Variants in ST6GAL1 observed in about 807,000 individuals in gnomAD.
ST6GAL1 encodes the protein ST6 beta-galactoside alpha-2,6-sialyltransferase 1.
Under a neutral mutation model 38.0 loss-of-function variants are expected in ST6GAL1, and 20 were observed. The ratio of observed to expected loss-of-function variants is 0.53; its 90% confidence interval spans 0.37 to 0.77. ST6GAL1 has a LOEUF of 0.77. Ranked by LOEUF, ST6GAL1 falls within the 30% of genes least tolerant of loss-of-function variation. The probability of loss-of-function intolerance (pLI) is 0.00; values close to 1 mark genes in which losing one functional copy is unlikely to be tolerated. For synonymous variants in ST6GAL1, 196 were observed against 188.2 expected (o/e 1.04, Z -0.34); for missense variants, 432 against 496.4 (o/e 0.87, Z 1.23).
At chr3:187,029,467 G>A (rs1367308426) in intron 2 of ST6GAL1, among the ~76,000 whole-genome samples, 1 of 152,124 alleles carries the variant, frequency 6.6e-6, no homozygotes, top group Admixed American at 6.5e-5. Flanking sequence ...TCTGTTAGGG[G>A]GTTTGAGGAA....
intron 2 of ST6GAL1, chr3:187,021,798 G>C (rs1456033955): frequency 6.6e-6 from 1 of 151,344 alleles, no homozygotes; most frequent in African/African-American, 2.4e-5. Flanking sequence ...TGCCCTGGGG[G>C]AAGAAATGCT....
intron 2 of ST6GAL1, among the ~76,000 whole-genome samples, chr3:187,017,901 T>G (rs912999210): frequency 2.6e-5 from 4 of 152,218 alleles, no homozygotes; most frequent in African/African-American, 9.6e-5. Context: ...GGAGTTTGAA[T>G]AATCAGACCC....
chr3:187,074,115 C>T, intron 6 of ST6GAL1, 44 bp from the exon 7 acceptor site: 2 of 1,538,258 alleles, frequency 1.3e-6, no homozygotes, highest in African/African-American at 1.4e-5. Flanking sequence ...GAGCAGCTCA[C>T]TGGCCCATTT....
At chr3:187,022,749 A>G (rs993856787) in intron 2 of ST6GAL1, among the ~76,000 whole-genome samples, 2 of 152,210 alleles carry the variant, frequency 1.3e-5, no homozygotes, top group African/African-American at 4.8e-5. Context: ...TGTCAAAGAA[A>G]TGTATTTTGG....
At position 187,078,543 on chromosome 3, in the gene ST6GAL1, TG is replaced by T. The variant is rs1719637213; in HGVS notation, c.*2741del. 6.6e-6 allele frequency: 1 copy of T among 152,214 alleles called. No individual in the cohort carries two copies. Among genetic ancestry groups the T allele is most frequent in the African/African-American group, 2.4e-5 (1 of 41,446 alleles). The allele number at this position is 152,214 out of a possible 1,614,324, so 9.4% of individuals were successfully genotyped here. Reference sequence around the variant, plus strand: ...TCAAATTTTAAAATAAATGTGTGTGTGTTTCTTTAAGCTGCTTCTCTCTTCT... The same window carrying T: ...TCAAATTTTAAAATAAATGTGTGTGTTTTCTTTAAGCTGCTTCTCTCTTCT... On this transcript the variant is annotated 3_prime_UTR_variant, in exon 8 of 8. Coordinates refer to ENST00000169298, the MANE Select transcript of ST6GAL1 (RefSeq NM_173216.2).
At chr3:186,984,800 CT>C in intron 2 of ST6GAL1, among the ~76,000 whole-genome samples, 1 of 37,834 alleles carries the variant, frequency 2.6e-5, no homozygotes, top group Non-Finnish European at 5.5e-5. Flanking sequence ...TCCTTCCTTC[CT>C]TCCATCCTTC....
intron 2 of ST6GAL1, among the ~76,000 whole-genome samples, chr3:186,989,663 C>G (rs1420270720): frequency 1.3e-5 from 2 of 152,182 alleles, no homozygotes; most frequent in African/African-American, 4.8e-5. Flanking sequence ...GGATGCAAAG[C>G]TAATGATTAA....
At chr3:187,055,412 A>C (rs746493965) in intron 5 of ST6GAL1, among the ~76,000 whole-genome samples, 5 of 152,002 alleles carry the variant, frequency 3.3e-5, no homozygotes, top group Non-Finnish European at 7.4e-5. Context: ...TGTTGATTTT[A>C]GATCTTTTCT....
chr3:187,064,222 C>T (rs574001801), intron 5 of ST6GAL1, among the ~76,000 whole-genome samples: 9 of 152,208 alleles, frequency 5.9e-5, no homozygotes, highest in African/African-American at 1.7e-4. Flanking sequence ...TTATTTTACT[C>T]GTATGATGGA....
At position 187,075,935 on chromosome 3, in the gene ST6GAL1, A is replaced by G. The variant is rs1719546186; in HGVS notation, c.*132A>G. ...TCTAGGGGCCTCTGTCAGCAAGACC[A>G]TGGGGACTTCAAGAGCCTGTGGTCA... On this transcript the variant is annotated 3_prime_UTR_variant, in exon 8 of 8. Coordinates refer to ENST00000169298, the MANE Select transcript of ST6GAL1 (RefSeq NM_173216.2). The surrounding 1 kb of genome is among the most constrained non-coding windows in gnomAD (Gnocchi z 4.1). 5 of 1,397,318 alleles carry G rather than the reference A, an allele frequency of 3.6e-6. No individual in the cohort carries two copies. Among genetic ancestry groups the G allele is most frequent in the Admixed American group, 4.9e-5 (2 of 40,618 alleles). 86.6% of individuals were successfully genotyped at this position (1,397,318 alleles called of 1,614,324 possible).
intron 2 of ST6GAL1, among the ~76,000 whole-genome samples, chr3:187,025,013 G>GTGTGTC (rs1553827947): frequency 6.6e-6 from 1 of 151,400 alleles, no homozygotes; most frequent in African/African-American, 2.4e-5. Flanking sequence ...GTGTGTGTGT[G>GTGTGTC]TGTGTGTCTG....
intron 2 of ST6GAL1, among the ~76,000 whole-genome samples, chr3:187,031,417 T>C (rs2108572543): frequency 6.6e-6 from 1 of 152,282 alleles, no homozygotes; most frequent in East Asian, 1.9e-4. Context: ...TGGTGACTGT[T>C]GTAATCCCTT....
intron 1 of ST6GAL1, among the ~76,000 whole-genome samples, chr3:186,963,003 T>C (rs1376249251): frequency 6.6e-6 from 1 of 152,244 alleles, no homozygotes; most frequent in Non-Finnish European, 1.5e-5. Context: ...GTATGTTATC[T>C]GTAGTTATCT....
chr3:186,933,604 A>C (rs764953031), intron 1 of ST6GAL1, among the ~76,000 whole-genome samples: 2 of 152,202 alleles, frequency 1.3e-5, no homozygotes, highest in Non-Finnish European at 2.9e-5. Context: ...CAGGACGCTG[A>C]CCCTGTAAGG....
At chr3:186,935,212 A>C (rs1045067599) in intron 1 of ST6GAL1, among the ~76,000 whole-genome samples, 1 of 151,864 alleles carries the variant, frequency 6.6e-6, no homozygotes, top group Non-Finnish European at 1.5e-5. Flanking sequence ...CTTTGTGTCC[A>C]CGTGTTCTCA....
At chr3:187,054,488 A>G (rs1718622013) in intron 5 of ST6GAL1, among the ~76,000 whole-genome samples, 1 of 152,152 alleles carries the variant, frequency 6.6e-6, no homozygotes, top group African/African-American at 2.4e-5. Flanking sequence ...TACCTAGTTC[A>G]TTGAGAGTTT....
At chr3:187,042,605 T>G (rs1268330376) in intron 3 of ST6GAL1, 49 bp from the exon 4 acceptor site, 3 of 1,491,714 alleles carry the variant, frequency 2.0e-6, no homozygotes, top group South Asian at 1.4e-5. Flanking sequence ...TCATGCCACA[T>G]TGGGTTTTTC....
At position 186,995,505 on chromosome 3, in the gene ST6GAL1, CA is replaced by C. The variant is rs200317857; in HGVS notation, c.-183+31589del. 1.0e-3 allele frequency among the ~76,000 whole-genome samples: 28 copies of C among 26,780 alleles called. 2 individuals are homozygous for C. Among genetic ancestry groups the C allele is most frequent in the South Asian group, 8.1e-3 (5 of 614 alleles). 17.6% of individuals were successfully genotyped at this position (26,780 alleles called of 152,430 possible). On this transcript the variant is annotated intron_variant, in intron 2 of 7. Coordinates refer to ENST00000169298, the MANE Select transcript of ST6GAL1 (RefSeq NM_173216.2). ...TGGGTGACAGAGTGAGACACCATCT[CA>C]AAAAAAAAATAATAATAAAATAAAA...
intron 2 of ST6GAL1, among the ~76,000 whole-genome samples, chr3:186,999,247 G>A (rs1170845431): frequency 6.6e-6 from 1 of 151,814 alleles, no homozygotes; most frequent in Non-Finnish European, 1.5e-5. Context: ...CCTCGTAGAA[G>A]GTGTGTGTCA....
Sources: allele counts gnomAD v4.1 joint callset (sites outside exome capture counted in the v4.1 genomes callset), GRCh38; gene constraint gnomAD v4.1.1; non-coding constraint Gnocchi (gnomAD v3.1); transcripts MANE v1.5; gene names NCBI Gene and HGNC (gene_info 2026-07-23, HGNC 2026-07-21).